The following HSD17B12 variants were observed in gnomAD, a reference collection of about 807,000 sequenced individuals.
The protein encoded by HSD17B12 is hydroxysteroid 17-beta dehydrogenase 12.
HSD17B12 carries 32 observed loss-of-function variants against 39.3 expected under a neutral mutation model. That is an observed-to-expected ratio of 0.81 (90% CI 0.61 to 1.09). The LOEUF (loss-of-function observed/expected upper bound fraction) is 1.09, where lower values mean the gene tolerates loss of function less well. Ranked by LOEUF, HSD17B12 falls within the 50% of genes least tolerant of loss-of-function variation. HSD17B12 has a pLI of 0.00. For synonymous variants in HSD17B12, 150 were observed against 146.7 expected (o/e 1.02, Z -0.16); for missense variants, 342 against 382.9 (o/e 0.89, Z 0.89).
intron 4 of HSD17B12, among the ~76,000 whole-genome samples, chr11:43,801,673 A>G (rs1322357283): frequency 6.7e-6 from 1 of 150,274 alleles, no homozygotes; most frequent in Non-Finnish European, 1.5e-5. Context: ...TCTAGATTTC[A>G]GTAGAGCTCT....
In HSD17B12 at chr11:43,821,773, TA is replaced by T. The variant is rs991825471; in HGVS notation, c.501+5386del. On this transcript the variant is annotated intron_variant, in intron 6 of 10. Coordinates refer to ENST00000278353, the MANE Select transcript of HSD17B12 (RefSeq NM_016142.3). ...TTCACATCAGTCCAAAGACAGATTCTAAAACAAATATTGCTGTGCCGTTTGT... is the reference window on the plus strand; with the variant it reads ...TTCACATCAGTCCAAAGACAGATTCTAAACAAATATTGCTGTGCCGTTTGT... 5.3e-5 allele frequency among the ~76,000 whole-genome samples: 8 copies of T among 152,242 alleles called. No homozygotes were observed. The South Asian group carries it at 8.3e-4, about 16-fold the overall frequency.
chr11:43,619,554 T>C, the HSD17B12 span, among the ~76,000 whole-genome samples: 1 of 151,600 alleles, frequency 6.6e-6, no homozygotes, highest in Non-Finnish European at 1.5e-5. Context: ...CAAGGCTGGC[T>C]AATTTTTTTG....
At chr11:43,659,329 C>T in the HSD17B12 span, among the ~76,000 whole-genome samples, 1 of 152,192 alleles carries the variant, frequency 6.6e-6, no homozygotes, top group Admixed American at 6.5e-5. Flanking sequence ...TTCCCTGACC[C>T]CTTGTGCTTC....
chr11:43,715,881 T>G (rs184072782), intron 1 of HSD17B12, among the ~76,000 whole-genome samples: 63 of 152,298 alleles, frequency 4.1e-4, no homozygotes, highest in African/African-American at 1.4e-3. Context: ...TGGACTGCAC[T>G]GATTTTAAGT....
At chr11:43,688,160 C>T (rs540144211) in intron 1 of HSD17B12, among the ~76,000 whole-genome samples, 8 of 151,772 alleles carry the variant, frequency 5.3e-5, no homozygotes, top group East Asian at 1.9e-4. Context: ...TGCAGTGAGC[C>T]GAGATTGCAC....
the HSD17B12 span, among the ~76,000 whole-genome samples, chr11:43,624,219 C>G: frequency 6.6e-6 from 1 of 151,948 alleles, no homozygotes; most frequent in Non-Finnish European, 1.5e-5. Flanking sequence ...TTTTGTTTTT[C>G]TGTGCATTCA....
At chr11:43,666,230 G>A in the HSD17B12 span, among the ~76,000 whole-genome samples, 5 of 152,002 alleles carry the variant, frequency 3.3e-5, no homozygotes, top group Non-Finnish European at 7.4e-5. Context: ...TTGAGGCAGG[G>A]TCTTACTCTA....
At chr11:43,840,288 T>G (rs988427100) in intron 9 of HSD17B12, among the ~76,000 whole-genome samples, 12 of 152,174 alleles carry the variant, frequency 7.9e-5, no homozygotes, top group Non-Finnish European at 1.8e-4. Flanking sequence ...TGGAACTAAA[T>G]GCAGTATAAA....
At chr11:43,835,513 T>G (rs1010942365) in intron 7 of HSD17B12, among the ~76,000 whole-genome samples, 1 of 152,096 alleles carries the variant, frequency 6.6e-6, no homozygotes, top group African/African-American at 2.4e-5. Context: ...TTTTACACTG[T>G]TGTGTGTGTG....
At chr11:43,838,457 A>G in intron 8 of HSD17B12, 59 bp downstream of exon 8, 1 of 1,263,788 alleles carries the variant, frequency 7.9e-7, no homozygotes, top group Non-Finnish European at 1.2e-6. Context: ...TTTTAGTCTG[A>G]GAAATTAACG....
At chr11:43,650,590 T>C in the HSD17B12 span, among the ~76,000 whole-genome samples, 1 of 152,176 alleles carries the variant, frequency 6.6e-6, no homozygotes, top group Non-Finnish European at 1.5e-5. Context: ...TCTTAAATTG[T>C]TCCTGGGTAT....
chr11:43,789,503 G>T (rs1950846798), intron 3 of HSD17B12, among the ~76,000 whole-genome samples: 1 of 152,188 alleles, frequency 6.6e-6, no homozygotes, highest in South Asian at 2.1e-4. Context: ...AACTTGCCAT[G>T]CTCCTGAATA....
chr11:43,721,574 G>A (rs1042472907), intron 1 of HSD17B12, among the ~76,000 whole-genome samples: 16 of 152,008 alleles, frequency 1.1e-4, no homozygotes, highest in Admixed American at 2.0e-4. Context: ...AGCTAAGATC[G>A]CACCACTGCA....
At chr11:43,666,393 C>G in the HSD17B12 span, among the ~76,000 whole-genome samples, 1 of 152,022 alleles carries the variant, frequency 6.6e-6, no homozygotes, top group African/African-American at 2.4e-5. Flanking sequence ...TTGGCAAAGA[C>G]AGAGTTTTGC....
At chr11:43,832,616 C>T (rs967164764) in intron 7 of HSD17B12, among the ~76,000 whole-genome samples, 1 of 152,174 alleles carries the variant, frequency 6.6e-6, no homozygotes, top group African/African-American at 2.4e-5. Flanking sequence ...GTAGACCTGA[C>T]AGCCATGATC....
intron 3 of HSD17B12, among the ~76,000 whole-genome samples, chr11:43,767,932 A>G (rs1188803131): frequency 6.6e-6 from 1 of 152,240 alleles, no homozygotes; most frequent in Admixed American, 6.5e-5. Flanking sequence ...GGAACACTTA[A>G]TCATATTCAG....
At chr11:43,690,091 C>A (rs1949838961) in intron 1 of HSD17B12, among the ~76,000 whole-genome samples, 1 of 151,712 alleles carries the variant, frequency 6.6e-6, no homozygotes, top group Non-Finnish European at 1.5e-5. Flanking sequence ...ATGGAACCGC[C>A]CCTCCTACCT....
chr11:43,837,448 C>G (rs543508791), intron 7 of HSD17B12, among the ~76,000 whole-genome samples: 10 of 152,178 alleles, frequency 6.6e-5, no homozygotes, highest in African/African-American at 1.9e-4. Flanking sequence ...CTGTGACACT[C>G]CTAAACCATA....
At chr11:43,789,840 G>A (rs1300659938) in intron 3 of HSD17B12, among the ~76,000 whole-genome samples, 1 of 152,094 alleles carries the variant, frequency 6.6e-6, no homozygotes, top group African/African-American at 2.4e-5. Context: ...GCTGAGATGG[G>A]AGGATCTCTT....
Sources: gnomAD v4.1 joint callset for allele counts (sites outside exome capture counted in the v4.1 genomes callset) on GRCh38, gnomAD v4.1.1 for gene constraint, MANE v1.5 for transcripts, NCBI Gene and HGNC (gene_info 2026-07-23, HGNC 2026-07-21) for gene names.